Variants in ADCY1 observed in about 807,000 individuals in gnomAD.
ADCY1 encodes the protein adenylate cyclase 1.
Under a neutral mutation model 105.4 loss-of-function variants are expected in ADCY1, and 28 were observed. The observed-to-expected ratio is 0.27, with a 90% CI of 0.20 to 0.36. The LOEUF (loss-of-function observed/expected upper bound fraction) is 0.36, where lower values mean the gene tolerates loss of function less well. ADCY1 is among the 10% of genes least tolerant of loss of function. The probability of loss-of-function intolerance (pLI) is 1.00; values close to 1 mark genes in which losing one functional copy is unlikely to be tolerated. For synonymous variants in ADCY1, 655 were observed against 623.8 expected (o/e 1.05, Z -0.75); for missense variants, 977 against 1,434.2 (o/e 0.68, Z 5.15).
At chr7:45,707,338 A>G (rs1403168247) in intron 17 of ADCY1, among the ~76,000 whole-genome samples, 2 of 152,240 alleles carry the variant, frequency 1.3e-5, no homozygotes, top group African/African-American at 4.8e-5. Flanking sequence ...CATAAGGTAG[A>G]ATATTATTAA....
At chr7:45,588,869 A>ATATG (rs1792816362) in intron 1 of ADCY1, among the ~76,000 whole-genome samples, 1 of 149,052 alleles carries the variant, frequency 6.7e-6, no homozygotes, top group Non-Finnish European at 1.5e-5. Context: ...CATTGCGTGT[A>ATATG]TGTGTGTGTG....
chr7:45,711,607 G>GTGTATA (rs1422085646), intron 19 of ADCY1, among the ~76,000 whole-genome samples: 4 of 70,804 alleles, frequency 5.6e-5, no homozygotes, highest in South Asian at 5.4e-4. Flanking sequence ...ACTTCGTGCT[G>GTGTATA]TATATATATA....
intron 3 of ADCY1, among the ~76,000 whole-genome samples, chr7:45,618,449 T>C (rs1217251627): frequency 6.6e-6 from 1 of 152,148 alleles, no homozygotes; most frequent in East Asian, 1.9e-4. Flanking sequence ...AACAGAAGGA[T>C]AGGATAAAAC....
Position 45,699,814 on chromosome 7 carries a change from T to A in ADCY1, c.2455-3562T>A, listed in dbSNP as rs1372108104. On this transcript the variant is annotated intron_variant, in intron 14 of 19. Coordinates refer to ENST00000297323, the MANE Select transcript of ADCY1 (RefSeq NM_021116.4). The stretch of plus-strand genomic sequence containing the variant: ...GTAGTGTTCCTCAGATAGGACGAGT[T>A]CTCTTCTCACTACATGTCTGATGCA... 2.0e-5 allele frequency among the ~76,000 whole-genome samples: 3 copies of A among 152,068 alleles called. No individual in the cohort carries two copies. In the East Asian group the frequency reaches 5.8e-4, roughly 29 times the overall value.
intron 14 of ADCY1, among the ~76,000 whole-genome samples, chr7:45,692,754 G>A (rs554188060): frequency 7.2e-5 from 11 of 152,188 alleles, no homozygotes; most frequent in South Asian, 4.2e-4. Flanking sequence ...TAATTTGATC[G>A]TAGTAGTTAT....
chr7:45,685,647 A>G (rs181113137), intron 12 of ADCY1, among the ~76,000 whole-genome samples: 42 of 151,638 alleles, frequency 2.8e-4, no homozygotes, highest in Non-Finnish European at 4.7e-4. Context: ...GGCAGGAGGA[A>G]CAGGATGGAG....
chr7:45,604,117 C>T (rs1793315920), intron 2 of ADCY1, among the ~76,000 whole-genome samples: 1 of 152,192 alleles, frequency 6.6e-6, no homozygotes, highest in African/African-American at 2.4e-5. Flanking sequence ...ATTTAGGTTA[C>T]TGAGAAATAG....
intron 2 of ADCY1, among the ~76,000 whole-genome samples, chr7:45,605,638 C>T (rs1262749031): frequency 6.6e-6 from 1 of 152,022 alleles, no homozygotes; most frequent in South Asian, 2.1e-4. Context: ...CATTACATCC[C>T]TGGATTAAAC....
chr7:45,670,999 C>T (rs2116161516), intron 8 of ADCY1, among the ~76,000 whole-genome samples: 1 of 152,366 alleles, frequency 6.6e-6, no homozygotes, highest in East Asian at 1.9e-4. Context: ...GCAGGGAACT[C>T]AAGTCAAGGT....
intron 17 of ADCY1, among the ~76,000 whole-genome samples, chr7:45,705,912 A>G (rs1030328946): frequency 6.6e-6 from 1 of 152,256 alleles, no homozygotes; most frequent in Non-Finnish European, 1.5e-5. Flanking sequence ...TATGCCAGCA[A>G]TGAACAATTG....
intron 2 of ADCY1, among the ~76,000 whole-genome samples, chr7:45,604,494 A>AT (rs1301522063): frequency 6.6e-6 from 1 of 152,092 alleles, no homozygotes; most frequent in African/African-American, 2.4e-5. Context: ...TTTTAATTTA[A>AT]TTTTTGCATA....
At chr7:45,612,168 A>T (rs1227730696) in intron 3 of ADCY1, among the ~76,000 whole-genome samples, 1 of 152,196 alleles carries the variant, frequency 6.6e-6, no homozygotes, top group Non-Finnish European at 1.5e-5. Context: ...ATGCTTAAGC[A>T]ATGTGGGGTG....
chr7:45,576,899 TA>T (rs1792365802), intron 1 of ADCY1, among the ~76,000 whole-genome samples: 1 of 152,138 alleles, frequency 6.6e-6, no homozygotes, highest in Non-Finnish European at 1.5e-5. Context: ...GCTGGTGTAA[TA>T]AAAGGCTGCG....
intron 1 of ADCY1, among the ~76,000 whole-genome samples, chr7:45,579,000 G>A (rs1344641580): frequency 6.6e-6 from 1 of 152,196 alleles, no homozygotes; most frequent in Non-Finnish European, 1.5e-5. Flanking sequence ...CTGTAGGCAG[G>A]ATAACAGAAA....
At chr7:45,688,436 G>A (rs73694833) in intron 14 of ADCY1, among the ~76,000 whole-genome samples, 2,630 of 152,290 alleles carry the variant, frequency 0.017, 70 homozygotes, top group African/African-American at 0.061. Context: ...GGTTAGAGTA[G>A]GGTGAAGGGT....
chr7:45,698,427 C>A, intron 14 of ADCY1, among the ~76,000 whole-genome samples: 3 of 152,232 alleles, frequency 2.0e-5, no homozygotes, highest in Admixed American at 2.0e-4. Context: ...CATTTTTGAT[C>A]TAAAAAGGGC....
chr7:45,583,920 A>G (rs982159381), intron 1 of ADCY1, among the ~76,000 whole-genome samples: 2 of 138,734 alleles, frequency 1.4e-5, no homozygotes, highest in Non-Finnish European at 3.0e-5. Context: ...CATTACAGGC[A>G]TGAGCCACTG....
At chr7:45,643,570 T>C (rs1311840078) in intron 4 of ADCY1, among the ~76,000 whole-genome samples, 2 of 152,236 alleles carry the variant, frequency 1.3e-5, no homozygotes, top group Non-Finnish European at 2.9e-5. Flanking sequence ...AAATAATTCT[T>C]CTCTCTGTGG....
intron 8 of ADCY1, among the ~76,000 whole-genome samples, chr7:45,676,696 A>G (rs1239979924): frequency 6.6e-6 from 1 of 152,076 alleles, no homozygotes; most frequent in Admixed American, 6.5e-5. Flanking sequence ...CTCAGTGGAG[A>G]TGAGCATCTC....
Sources: gnomAD v4.1 joint callset for allele counts (sites outside exome capture counted in the v4.1 genomes callset) on GRCh38, gnomAD v4.1.1 for gene constraint, MANE v1.5 for transcripts, NCBI Gene and HGNC (gene_info 2026-07-23, HGNC 2026-07-21) for gene names.